The following NCKAP5 variants were observed in gnomAD, a reference collection of about 807,000 sequenced individuals.
NCKAP5 encodes the protein nck-associated protein 5.
NCKAP5 carries 92 observed loss-of-function variants against 167.0 expected under a neutral mutation model. That is an observed-to-expected ratio of 0.55 (90% CI 0.47 to 0.66). The LOEUF is 0.66. Ranked by LOEUF, NCKAP5 falls within the 30% of genes least tolerant of loss-of-function variation. The pLI is 0.00. For missense variants in NCKAP5, 2,378 were observed against 2,315.0 expected, an observed-to-expected ratio of 1.03 and a Z score of -0.56; for synonymous variants, 891 against 877.4, an observed-to-expected ratio of 1.02 and a Z score of -0.27.
intron 3 of NCKAP5, among the ~76,000 whole-genome samples, chr2:133,424,302 A>G (rs973666030): frequency 1.2e-4 from 18 of 152,196 alleles, no homozygotes; most frequent in Non-Finnish European, 2.6e-4. Flanking sequence ...TTTCCCAATC[A>G]GTGTGACTGT....
chr2:133,115,773 GTGTATA>G (rs1559153884), intron 6 of NCKAP5, among the ~76,000 whole-genome samples: 1 of 56,124 alleles, frequency 1.8e-5, no homozygotes, highest in Non-Finnish European at 3.1e-5. Flanking sequence ...ATATGTGTGT[GTGTATA>G]TATATATATA....
At chr2:132,984,559 C>T (rs1034783066) in intron 7 of NCKAP5, among the ~76,000 whole-genome samples, 2 of 152,166 alleles carry the variant, frequency 1.3e-5, no homozygotes, top group African/African-American at 2.4e-5. Context: ...TTCTCTTCAT[C>T]GCCATGCTGT....
intron 6 of NCKAP5, among the ~76,000 whole-genome samples, chr2:133,115,785 A>G (rs1322447911): frequency 0.056 from 4,597 of 81,870 alleles, 130 homozygotes; most frequent in African/African-American, 0.1. Context: ...GTATATATAT[A>G]TATATATATA....
At chr2:132,857,750 T>C (rs151260558) in intron 11 of NCKAP5, among the ~76,000 whole-genome samples, 1 of 152,280 alleles carries the variant, frequency 6.6e-6, no homozygotes, top group South Asian at 2.1e-4. Context: ...GAAAATGAAA[T>C]CAATAGAGAA....
intron 4 of NCKAP5, among the ~76,000 whole-genome samples, chr2:133,256,704 T>A (rs1283263034): frequency 6.6e-6 from 1 of 152,200 alleles, no homozygotes; most frequent in Non-Finnish European, 1.5e-5. Context: ...TGGTTGTCAC[T>A]CTACAATTAA....
At chr2:132,700,931 G>A (rs11365101) in intron 19 of NCKAP5, among the ~76,000 whole-genome samples, 2 of 19,428 alleles carry the variant, frequency 1.0e-4, no homozygotes, top group South Asian at 1.0e-3. Flanking sequence ...TCCCCTGGGC[G>A]GGGGGGGGGG....
At chr2:133,360,643 C>T (rs948051893) in intron 3 of NCKAP5, among the ~76,000 whole-genome samples, 3 of 151,894 alleles carry the variant, frequency 2.0e-5, no homozygotes, top group Admixed American at 6.6e-5. Context: ...TCCCAGAAGC[C>T]GAGAATAGTC....
rs1683200305 is a variant in NCKAP5, at chr2:132,783,080, T to C, written c.3731A>G (p.Asp1244Gly). The C allele has an allele frequency of 6.2e-7, 1 of 1,613,848 alleles. No homozygotes were observed. The change falls in exon 14 of 20, where the codon GAT (aspartate) becomes GGT (glycine). Residue 1244 changes from aspartate (D) to glycine (G), a missense_variant. This residue lies in a region of NCKAP5 where 1,325 missense variants were observed against 1,274.5 expected (regional missense o/e 1.04). Transcript: ENST00000409261. Reference sequence around the variant, plus strand: ...TCTCATGGATCTATTATCTACCCCATCCCTTCCATCACTCCCAGGGATGCT... The same window carrying C: ...TCTCATGGATCTATTATCTACCCCACCCCTTCCATCACTCCCAGGGATGCT... ...ESSIPGSDGR[D>G]GVDNRSMRRS...
At chr2:133,659,952 ATT>A in the NCKAP5 span, among the ~76,000 whole-genome samples, 1 of 152,136 alleles carries the variant, frequency 6.6e-6, no homozygotes, top group Non-Finnish European at 1.5e-5. Flanking sequence ...AATATTTTAG[ATT>A]TCTTTGTTTT....
At chr2:133,344,995 T>C (rs962623917) in intron 3 of NCKAP5, among the ~76,000 whole-genome samples, 2 of 152,114 alleles carry the variant, frequency 1.3e-5, no homozygotes, top group Admixed American at 1.3e-4. Context: ...GACTATGCCC[T>C]CAGTGCGTCA....
intron 3 of NCKAP5, among the ~76,000 whole-genome samples, chr2:133,336,436 A>G (rs1453864290): frequency 6.6e-6 from 1 of 152,098 alleles, no homozygotes. Context: ...ACTTCAGCAC[A>G]AGGCTCGAGC....
intron 4 of NCKAP5, among the ~76,000 whole-genome samples, chr2:133,298,430 T>C (rs1379959035): frequency 6.6e-6 from 1 of 152,158 alleles, no homozygotes; most frequent in Non-Finnish European, 1.5e-5. Context: ...AAAATAGAAG[T>C]AACTGTACAG....
chr2:133,184,946 C>T (rs922373253), intron 5 of NCKAP5, among the ~76,000 whole-genome samples: 3 of 152,118 alleles, frequency 2.0e-5, no homozygotes, highest in African/African-American at 4.8e-5. Context: ...GTTTATTTTG[C>T]TATGCAGAAG....
chr2:133,637,273 T>C, the NCKAP5 span, among the ~76,000 whole-genome samples: 1 of 151,624 alleles, frequency 6.6e-6, no homozygotes, highest in Non-Finnish European at 1.5e-5. Flanking sequence ...GCCAAAATAC[T>C]AATTGTTGCC....
chr2:132,740,583 A>G (rs1307497067), intron 16 of NCKAP5, among the ~76,000 whole-genome samples: 4 of 152,180 alleles, frequency 2.6e-5, no homozygotes, highest in African/African-American at 9.6e-5. Flanking sequence ...ACCATTGGGT[A>G]GCTTTTGGCT....
chr2:133,577,748 T>C, the NCKAP5 span, among the ~76,000 whole-genome samples: 1 of 152,178 alleles, frequency 6.6e-6, no homozygotes, highest in Admixed American at 6.5e-5. Flanking sequence ...ATGTTCAATT[T>C]CCTTTTGATC....
chr2:132,878,829 G>C lies in NCKAP5; in HGVS notation c.648+19C>G. On this transcript the variant is annotated intron_variant, in intron 9 of 19. Transcript: ENST00000409261. Reference sequence around the variant, plus strand: ...CAACTAGTCCAGCCTTGGATCAGGAGCCTCTCCATCCCCCTTACCTCATCA... The same window carrying C: ...CAACTAGTCCAGCCTTGGATCAGGACCCTCTCCATCCCCCTTACCTCATCA... 6.3e-7 allele frequency: 1 copy of C among 1,598,648 alleles called. No homozygotes were observed.
intron 19 of NCKAP5, among the ~76,000 whole-genome samples, chr2:132,724,389 ATACT>A (rs1690240308): frequency 1.3e-5 from 2 of 152,164 alleles, no homozygotes; most frequent in South Asian, 4.1e-4. Context: ...CTTTCAACAA[ATACT>A]TACTCAATAA....
intron 6 of NCKAP5, among the ~76,000 whole-genome samples, chr2:133,050,974 G>A (rs2079583445): frequency 6.6e-6 from 1 of 152,312 alleles, no homozygotes; most frequent in Admixed American, 6.5e-5. Flanking sequence ...TCAGATGGAA[G>A]TGCTGTTGGA....
Sources: gnomAD v4.1 joint callset for allele counts (sites outside exome capture counted in the v4.1 genomes callset) on GRCh38, gnomAD v4.1.1 for gene constraint, gnomAD v4.1.1 regional missense constraint, MANE v1.5 for transcripts, NCBI Gene and HGNC (gene_info 2026-07-23, HGNC 2026-07-21) for gene names.